Variants in SFI1 observed in about 807,000 individuals in gnomAD.
SFI1 encodes SFI1 centrin binding protein.
In SFI1, 195 loss-of-function variants were observed where a neutral mutation model predicts 207.5. That is an observed-to-expected ratio of 0.94 (90% CI 0.84 to 1.06). The LOEUF (loss-of-function observed/expected upper bound fraction) is 1.06, where lower values mean the gene tolerates loss of function less well. Ranked by LOEUF, SFI1 falls within the 50% of genes least tolerant of loss-of-function variation. SFI1 has a pLI of 0.00. For synonymous variants in SFI1, 630 were observed against 598.9 expected (o/e 1.05, Z -0.76); for missense variants, 1,634 against 1,588.0 (o/e 1.03, Z -0.49).
intron 14 of SFI1, 57 bp downstream of exon 14, chr22:31,585,191 C>G (rs2064868696): frequency 1.4e-6 from 2 of 1,459,382 alleles, no homozygotes; most frequent in South Asian, 1.2e-5. Flanking sequence ...GACCCATTTG[C>G]TTTGGAAAGA....
Position 31,515,733 on chromosome 22 carries a change from CT to C in SFI1, c.92+7371del, listed in dbSNP as rs71818558. 4.1e-3 allele frequency among the ~76,000 whole-genome samples: 570 copies of C among 140,420 alleles called. 1 individual carries two copies. The highest frequency in any genetic ancestry group is 0.013 in the African/African-American group (487 of 38,198). The allele number at this position is 140,420 out of a possible 152,430, so 92.1% of individuals were successfully genotyped here. A position where few individuals can be genotyped will look rare whatever the true frequency, so the allele number is the denominator to read the frequency against. On this transcript the variant is annotated intron_variant, in intron 2 of 32. Coordinates refer to ENST00000400288, the MANE Select transcript of SFI1 (RefSeq NM_001007467.3). ...CTGAATTCCTGTTGTGGCTTAGTAC[CT>C]TTTTTTTTTTTTTCTTTTTTTGAGA...
At chr22:31,591,514 G>C (rs2065910337) in intron 15 of SFI1, among the ~76,000 whole-genome samples, 2 of 151,030 alleles carry the variant, frequency 1.3e-5, no homozygotes, top group Admixed American at 1.3e-4. Context: ...TGGCCGGGCA[G>C]AGGGGCTCCT....
intron 13 of SFI1, 42 bp downstream of exon 13, chr22:31,584,014 G>A (rs761433313): frequency 1.3e-6 from 2 of 1,517,698 alleles, no homozygotes; most frequent in South Asian, 2.2e-5. Context: ...GGGACTTTGT[G>A]CCTCTGACTT....
At chr22:31,558,374 A>AT (rs1234550395) in intron 7 of SFI1, among the ~76,000 whole-genome samples, 1 of 152,132 alleles carries the variant, frequency 6.6e-6, no homozygotes, top group Non-Finnish European at 1.5e-5. Flanking sequence ...CACACAAAAA[A>AT]TTTTTTTAAA....
intron 15 of SFI1, among the ~76,000 whole-genome samples, chr22:31,600,712 T>A (rs966776787): frequency 6.6e-6 from 1 of 152,186 alleles, no homozygotes; most frequent in African/African-American, 2.4e-5. Context: ...CCTCACTGTT[T>A]AGAAGGTGCC....
At chr22:31,560,694 C>T (rs953635379) in intron 7 of SFI1, among the ~76,000 whole-genome samples, 5 of 148,098 alleles carry the variant, frequency 3.4e-5, no homozygotes, top group Middle Eastern at 3.6e-3. Context: ...TGAGCCACCA[C>T]GCCTGGCCTT....
intron 6 of SFI1, among the ~76,000 whole-genome samples, chr22:31,552,284 ACT>A (rs2060696703): frequency 6.6e-6 from 1 of 150,764 alleles, no homozygotes; most frequent in Non-Finnish European, 1.5e-5. Flanking sequence ...AGACTGTCTC[ACT>A]CTGTCACCCA....
chr22:31,513,843 T>C (rs933293665), intron 2 of SFI1, among the ~76,000 whole-genome samples: 1 of 127,500 alleles, frequency 7.8e-6, no homozygotes, highest in Non-Finnish European at 1.6e-5. Flanking sequence ...CCTCCCAAAG[T>C]GCTGGGATTA....
chr22:31,618,092 C>T (rs764237818), intron 31 of SFI1, 23 bp from the exon 32 acceptor site: 1 of 1,552,582 alleles, frequency 6.4e-7, no homozygotes, highest in Middle Eastern at 2.2e-4. Flanking sequence ...GCCTGGCAGG[C>T]AGTGGGTATC....
chr22:31,618,028 A>T, intron 31 of SFI1, 87 bp from the exon 32 acceptor site: 1 of 1,413,734 alleles, frequency 7.1e-7, no homozygotes, highest in Non-Finnish European at 9.5e-7. Flanking sequence ...TACCCGCATC[A>T]GAATTAGCTG....
intron 4 of SFI1, among the ~76,000 whole-genome samples, chr22:31,541,218 C>G (rs1384573750): frequency 6.6e-6 from 1 of 151,992 alleles, no homozygotes; most frequent in Non-Finnish European, 1.5e-5. Flanking sequence ...CTCCCTTCTC[C>G]CCCTACAAGA....
At chr22:31,500,813 T>G (rs2053629095) in intron 1 of SFI1, among the ~76,000 whole-genome samples, 1 of 146,050 alleles carries the variant, frequency 6.8e-6, no homozygotes, top group Admixed American at 7.0e-5. Context: ...TTTGTTTTTT[T>G]TTTTGAGTCT....
rs369454159 is a variant in SFI1, at chr22:31,547,776, C to T, written c.449+805C>T. Among the ~76,000 whole-genome samples the T allele has an allele frequency of 2.0e-4, 30 of 151,230 alleles. No individual in the cohort carries two copies. The East Asian group carries it at 4.6e-3, about 23-fold the overall frequency. ...CTGGGATTACAGGCATGTGCCACCA[C>T]GCCTGTAATGGCGTGTAATGATGAG... On this transcript the variant is annotated intron_variant, in intron 5 of 32. Coordinates refer to ENST00000400288, the MANE Select transcript of SFI1 (RefSeq NM_001007467.3).
intron 1 of SFI1, among the ~76,000 whole-genome samples, chr22:31,497,644 A>G (rs1044942162): frequency 1.3e-5 from 2 of 152,078 alleles, no homozygotes; most frequent in Non-Finnish European, 2.9e-5. Flanking sequence ...CATGTCTCTC[A>G]CTTTATATCA....
intron 4 of SFI1, 40 bp from the exon 5 acceptor site, chr22:31,546,821 A>C (rs2060132723): frequency 2.2e-6 from 3 of 1,366,708 alleles, no homozygotes; most frequent in Non-Finnish European, 3.1e-6. Context: ...TGTTAGCTCC[A>C]ACATCATCAT....
In SFI1 at chr22:31,611,811, C is replaced by T. The variant is rs369287417; in HGVS notation, c.2461C>T (p.Arg821Trp). The T allele has an allele frequency of 1.5e-5, 24 of 1,613,816 alleles. No individual in the cohort carries two copies. Among genetic ancestry groups the T allele is most frequent in the South Asian group, 4.4e-5 (4 of 91,092 alleles). Residue 821 changes from arginine to tryptophan, a missense_variant, in exon 24 of 33, where the codon CGG becomes TGG. By Grantham distance (101) the Arg-to-Trp change is moderately radical. Coordinates refer to ENST00000400288, the MANE Select transcript of SFI1 (RefSeq NM_001007467.3). The part of the protein sequence containing the change: ...STQLLAQRLS[R>W]TCFRQWRQQL... ...CCAACTGCTGGCACAGAGACTCAGC[C>T]GGACCTGCTTCCGCCAGTGGAGACA...
chr22:31,589,521 C>T lies in SFI1; in HGVS notation c.1488C>T (p.Leu496=). 1 of 1,614,062 alleles carries T rather than the reference C, an allele frequency of 6.2e-7. No individual in the cohort carries two copies. Residue 496 remains leucine (L), a synonymous_variant, in exon 15 of 33, where the codon CTC becomes CTT. Coordinates refer to ENST00000400288, the MANE Select transcript of SFI1 (RefSeq NM_001007467.3). ...LPAAFHTWNR[L]WRWRHQENVL... The stretch of plus-strand genomic sequence containing the variant: ...CTGCCTTCCACACATGGAACAGACT[C>T]TGGCGATGGCGCCACCAGGAAAATG...
At chr22:31,597,977 A>T (rs1462423214) in intron 15 of SFI1, among the ~76,000 whole-genome samples, 1 of 151,368 alleles carries the variant, frequency 6.6e-6, no homozygotes, top group Non-Finnish European at 1.5e-5. Context: ...ATGAGTTTTC[A>T]TAGGTTTTTT....
intron 14 of SFI1, among the ~76,000 whole-genome samples, chr22:31,585,486 C>T (rs1282247038): frequency 1.3e-5 from 2 of 152,196 alleles, no homozygotes; most frequent in African/African-American, 2.4e-5. Flanking sequence ...ATAAGTGCTG[C>T]ATCCCAGTGC....
Sources: gnomAD v4.1 joint callset for allele counts (sites outside exome capture counted in the v4.1 genomes callset) on GRCh38, gnomAD v4.1.1 for gene constraint, MANE v1.5 for transcripts, NCBI Gene and HGNC (gene_info 2026-07-23, HGNC 2026-07-21) for gene names.